Variants in DLGAP5 observed in about 807,000 individuals in gnomAD.
DLGAP5 encodes the protein disks large-associated protein 5.
In DLGAP5, 90 loss-of-function variants were observed where a neutral mutation model predicts 99.6. The observed-to-expected ratio is 0.90, with a 90% CI of 0.76 to 1.08. The LOEUF (loss-of-function observed/expected upper bound fraction) is 1.08, where lower values mean the gene tolerates loss of function less well. Among genes scored for constraint, DLGAP5 ranks in the 50% least tolerant of loss-of-function variants. The probability of loss-of-function intolerance (pLI) is 0.00; values close to 1 mark genes in which losing one functional copy is unlikely to be tolerated. For missense variants in DLGAP5, 1,036 were observed against 983.5 expected (o/e 1.05, Z -0.71); for synonymous variants, 311 against 321.3 (o/e 0.97, Z 0.34).
chr14:55,152,762 A>C, intron 15 of DLGAP5, 115 bp from the exon 16 acceptor site: 1 of 828,324 alleles, frequency 1.2e-6, no homozygotes, highest in Non-Finnish European at 1.8e-6. Flanking sequence ...TCAAACATGG[A>C]GCCTGGTGCA....
rs148772546 is a variant in DLGAP5 at position 55,155,029 on chromosome 14, T to G, written c.1874-223A>C. On this transcript the variant is annotated intron_variant, in intron 14 of 18. Coordinates refer to ENST00000247191, the MANE Select transcript of DLGAP5 (RefSeq NM_014750.5). ...CTTTTACATGAACAGAGATAATTTT[T>G]TTGTTGTTGTTGAGACAGAGTCTTA... 8.3e-3 allele frequency among the ~76,000 whole-genome samples: 1,267 copies of G among 152,266 alleles called. 13 individuals are homozygous for G. The highest frequency in any genetic ancestry group is 0.023 in the African/African-American group (950 of 41,542).
intron 3 of DLGAP5, 117 bp from the exon 4 acceptor site, chr14:55,182,549 T>C (rs922437469): frequency 1.4e-5 from 10 of 727,464 alleles, no homozygotes; most frequent in Non-Finnish European, 1.9e-5. Flanking sequence ...TAATCTCTTA[T>C]AGCAAAAAGA....
Position 55,175,426 on chromosome 14 carries a change from G to C in DLGAP5, c.1221C>G (p.Gly407=). 6.5e-7 allele frequency: 1 copy of C among 1,540,628 alleles called. No individual in the cohort carries two copies. The highest frequency in any genetic ancestry group is 8.9e-7 in the Non-Finnish European group (1 of 1,119,620). ...GTGATGGGACTTCTTTTATTGGAAG[G>C]CCATTTAAATTTTTAGTAGTAGCTT... ...KNEATTKNLN[G]LPIKEVPSLE... The change falls in exon 10 of 19, where the codon GGC becomes GGG. Residue 407 remains glycine, a synonymous_variant. Transcript: ENST00000247191.
rs114162159 is a variant in DLGAP5 at position 55,175,013 on chromosome 14, A to G, written c.1301+333T>C. ...CTATTGTCCATATTTTTTAAAAAAG[A>G]AAAAAATGTACATGTTATATTTGTC... On this transcript the variant is annotated intron_variant, in intron 10 of 18. Coordinates refer to ENST00000247191, the MANE Select transcript of DLGAP5 (RefSeq NM_014750.5). Among the ~76,000 whole-genome samples the G allele has an allele frequency of 9.1e-3, 1,386 of 152,218 alleles. 24 individuals are homozygous for G. The highest frequency in any genetic ancestry group is 0.031 in the African/African-American group (1,275 of 41,532).
At chr14:55,175,271 T>C (rs1883018585) in intron 10 of DLGAP5, 75 bp downstream of exon 10, 1 of 1,421,834 alleles carries the variant, frequency 7.0e-7, no homozygotes, top group South Asian at 1.3e-5. Flanking sequence ...ATATTAAGGT[T>C]AAAAATTTTT....
Position 55,177,171 on chromosome 14 carries a change from A to T in DLGAP5, c.940T>A (p.Phe314Ile). ...GTCTTCAGACCATCCAGTGGCTGAA[A>T]CATAAAATCCTTAGGTGCAAAGGAA... The part of the protein sequence containing the change: ...KNSFAPKDFM[F>I]QPLDGLKTYQ... The change falls in exon 8 of 19, where the codon TTT (phenylalanine) becomes ATT (isoleucine). Residue 314 changes from phenylalanine (F) to isoleucine (I), a missense_variant. Phe to Ile is a conservative substitution (Grantham distance 21). Transcript: ENST00000247191. 1 of 1,612,672 alleles carries T rather than the reference A, an allele frequency of 6.2e-7. No individual in the cohort carries two copies. The highest frequency in any genetic ancestry group is 8.5e-7 in the Non-Finnish European group (1 of 1,179,608).
chr14:55,181,347 C>T, intron 4 of DLGAP5, 50 bp from the exon 5 acceptor site: 3 of 1,453,524 alleles, frequency 2.1e-6, no homozygotes, highest in Non-Finnish European at 2.9e-6. Context: ...ATGAATCAGA[C>T]CATCATATTT....
At chr14:55,160,754 G>T (rs1482591435) in intron 13 of DLGAP5, among the ~76,000 whole-genome samples, 2 of 152,060 alleles carry the variant, frequency 1.3e-5, no homozygotes, top group African/African-American at 4.8e-5. Flanking sequence ...AGAAGAGTTA[G>T]AATTTAAAAT....
intron 13 of DLGAP5, among the ~76,000 whole-genome samples, chr14:55,162,591 C>T (rs1882484075): frequency 1.3e-5 from 2 of 148,200 alleles, no homozygotes; most frequent in South Asian, 4.2e-4. Context: ...TGTACTGCAG[C>T]CTTGGTGATA....
chr14:55,168,071 C>T (rs141149753), intron 12 of DLGAP5, among the ~76,000 whole-genome samples: 1 of 152,092 alleles, frequency 6.6e-6, no homozygotes, highest in Admixed American at 6.5e-5. Context: ...CTTATCTAAT[C>T]TCTTCTGTCT....
chr14:55,151,506 AGAGT>A (rs1212622695), intron 17 of DLGAP5, among the ~76,000 whole-genome samples, 185 bp downstream of exon 17: 2 of 140,486 alleles, frequency 1.4e-5, no homozygotes, highest in Non-Finnish European at 1.5e-5. Flanking sequence ...CCTGGGCAAC[AGAGT>A]GAGACTCCAT....
At chr14:55,161,662 A>G (rs1882440964) in intron 13 of DLGAP5, among the ~76,000 whole-genome samples, 1 of 151,338 alleles carries the variant, frequency 6.6e-6, no homozygotes, top group South Asian at 2.1e-4. Flanking sequence ...TGCCCGCCTC[A>G]GCCGCCCAAA....
intron 13 of DLGAP5, among the ~76,000 whole-genome samples, chr14:55,162,606 G>A (rs188489239): frequency 1.1e-4 from 15 of 137,310 alleles, no homozygotes; most frequent in East Asian, 1.0e-3. Flanking sequence ...GTGATAGAGC[G>A]GGATTCCATC....
chr14:55,176,460 A>T (rs750235233), intron 8 of DLGAP5, among the ~76,000 whole-genome samples: 46 of 152,280 alleles, frequency 3.0e-4, no homozygotes, highest in Admixed American at 5.2e-4. Context: ...CTAAAGCAGT[A>T]TAGCAATTTT....
At chr14:55,151,126 G>A (rs11622740) in intron 17 of DLGAP5, among the ~76,000 whole-genome samples, 59,965 of 151,996 alleles carry the variant, frequency 0.39, 12,186 homozygotes, top group African/African-American at 0.41. Context: ...ATGTCTGGCC[G>A]AGGTTAAAAC....
At chr14:55,180,036 C>G (rs1272601128) in intron 6 of DLGAP5, among the ~76,000 whole-genome samples, 1 of 152,030 alleles carries the variant, frequency 6.6e-6, no homozygotes, top group African/African-American at 2.4e-5. Context: ...TATCTAAAAT[C>G]TGAAATGCTC....
chr14:55,190,289 T>TATATACAC (rs1555330252), intron 1 of DLGAP5, among the ~76,000 whole-genome samples: 4 of 147,304 alleles, frequency 2.7e-5, no homozygotes, highest in African/African-American at 1.0e-4. Context: ...AGAAAAGCCA[T>TATATACAC]ACACACACAC....
At chr14:55,165,881 G>C (rs1256875381) in intron 12 of DLGAP5, among the ~76,000 whole-genome samples, 1 of 152,072 alleles carries the variant, frequency 6.6e-6, no homozygotes, top group African/African-American at 2.4e-5. Flanking sequence ...GATAAGGGGG[G>C]GCTACTATAA....
In DLGAP5 at chr14:55,152,656, G is replaced by GA. The variant is rs1882059019; in HGVS notation, c.2064-10dup. ...CATCTTCTATGCTGCTCCTAAAGAA[G>GA]AAAAAAAGCAGCATTACACTCATAA... is the stretch of plus-strand genomic sequence containing the variant. On this transcript the variant is annotated splice_polypyrimidine_tract_variant and intron_variant, in intron 15 of 18. Coordinates refer to ENST00000247191, the MANE Select transcript of DLGAP5 (RefSeq NM_014750.5). 2 of 1,584,914 alleles carry GA rather than the reference G, an allele frequency of 1.3e-6. No homozygotes were observed. Among genetic ancestry groups the GA allele is most frequent in the Non-Finnish European group, 8.6e-7 (1 of 1,169,286 alleles).
Sources: gnomAD v4.1 joint callset for allele counts (sites outside exome capture counted in the v4.1 genomes callset) on GRCh38, gnomAD v4.1.1 for gene constraint, MANE v1.5 for transcripts, NCBI Gene and HGNC (gene_info 2026-07-23, HGNC 2026-07-21) for gene names.